PCDH7: variants seen among roughly 807,000 people sequenced by gnomAD.
PCDH7 encodes the protein protocadherin 7.
Under a neutral mutation model 58.9 loss-of-function variants are expected in PCDH7, and 17 were observed. The ratio of observed to expected loss-of-function variants is 0.29; its 90% CI spans 0.20 to 0.43. The LOEUF is 0.43. Among genes scored for constraint, PCDH7 ranks in the 20% least tolerant of loss-of-function variants. The pLI is 1.00. For synonymous variants in PCDH7, 664 were observed against 616.4 expected (o/e 1.08, Z -1.14); for missense variants, 1,274 against 1,441.0 (o/e 0.88, Z 1.88).
exon 1 of PCDH7, chr4:30,724,166 G>A: frequency 1.2e-6 from 2 of 1,613,880 alleles, no homozygotes; most frequent in Non-Finnish European, 1.7e-6. Flanking sequence ...TATGAAGCCG[G>A]CAAAAAAGAT....
chr4:31,142,551 G>A, exon 4 of PCDH7: 1 of 1,367,784 alleles, frequency 7.3e-7, no homozygotes, highest in Non-Finnish European at 9.8e-7. Flanking sequence ...TCAGACTCCT[G>A]CTGGATGCCG....
At chr4:30,864,699 A>G (rs1007445873) in intron 1 of PCDH7, among the ~76,000 whole-genome samples, 3 of 152,070 alleles carry the variant, frequency 2.0e-5, no homozygotes, top group Non-Finnish European at 2.9e-5. Context: ...TCAGCTGAGG[A>G]AACCTCTGAT....
At chr4:30,851,437 C>G (rs542557530) in intron 1 of PCDH7, among the ~76,000 whole-genome samples, 2 of 151,702 alleles carry the variant, frequency 1.3e-5, no homozygotes, top group Non-Finnish European at 2.9e-5. Flanking sequence ...ATTCTCTGGT[C>G]GAGTATATTC....
chr4:31,064,050 CA>C (rs1166751026), intron 3 of PCDH7, among the ~76,000 whole-genome samples: 1 of 151,700 alleles, frequency 6.6e-6, no homozygotes, highest in Non-Finnish European at 1.5e-5. Context: ...TACAGTATAT[CA>C]AAAATGAAAA....
intron 1 of PCDH7, among the ~76,000 whole-genome samples, chr4:30,796,539 T>C (rs1238555397): frequency 1.3e-5 from 2 of 152,218 alleles, no homozygotes; most frequent in African/African-American, 4.8e-5. Flanking sequence ...GATATTACAG[T>C]TTGTGGACAA....
rs540972170 is a variant in PCDH7, at chr4:30,936,280, A to T, written c.288-13840A>T. ...TACAGATGATGAAGGTGAGAAGAAG[A>T]TATGGAAAGTTGTAGTTAATACCTG... On this transcript the variant is annotated intron_variant, in intron 2 of 3. Transcript: ENST00000509759. 4.6e-5 allele frequency among the ~76,000 whole-genome samples: 7 copies of T among 152,108 alleles called. No individual in the cohort carries two copies. In the East Asian group the frequency reaches 1.4e-3, roughly 29 times the overall value.
At chr4:30,922,866 T>C (rs1330973559) in intron 2 of PCDH7, among the ~76,000 whole-genome samples, 1 of 152,150 alleles carries the variant, frequency 6.6e-6, no homozygotes, top group East Asian at 1.9e-4. Context: ...GACCTTTGAG[T>C]AACAAATTTG....
chr4:30,938,917 T>C (rs1745694780), intron 2 of PCDH7, among the ~76,000 whole-genome samples: 1 of 152,088 alleles, frequency 6.6e-6, no homozygotes, highest in South Asian at 2.1e-4. Flanking sequence ...CTTTTTCCCC[T>C]CCAGAGCAAA....
At chr4:31,074,923 G>A (rs540835740) in intron 3 of PCDH7, among the ~76,000 whole-genome samples, 1 of 151,088 alleles carries the variant, frequency 6.6e-6, no homozygotes, top group Non-Finnish European at 1.5e-5. Context: ...GGAAATGTTA[G>A]TGTCCTTTCT....
At chr4:30,874,736 CATT>C (rs1429480161) in intron 1 of PCDH7, among the ~76,000 whole-genome samples, 5 of 150,792 alleles carry the variant, frequency 3.3e-5, no homozygotes, top group Admixed American at 1.3e-4. Context: ...AAAAAGATAG[CATT>C]ATTATTCATT....
chr4:31,127,835 A>G (rs1237540308), intron 3 of PCDH7, among the ~76,000 whole-genome samples: 1 of 152,068 alleles, frequency 6.6e-6, no homozygotes, highest in Non-Finnish European at 1.5e-5. Context: ...ATATTATGCT[A>G]TAGCAAATGT....
intron 1 of PCDH7, among the ~76,000 whole-genome samples, chr4:30,860,561 A>G (rs975209409): frequency 6.6e-6 from 1 of 152,108 alleles, no homozygotes; most frequent in African/African-American, 2.4e-5. Context: ...CTATATGAAC[A>G]AGGACATACC....
intron 3 of PCDH7, among the ~76,000 whole-genome samples, chr4:31,112,798 T>C (rs1229862451): frequency 6.6e-6 from 1 of 152,214 alleles, no homozygotes; most frequent in Non-Finnish European, 1.5e-5. Context: ...ATAGTGTTCT[T>C]TCTAGGCAGG....
intron 3 of PCDH7, among the ~76,000 whole-genome samples, chr4:31,041,653 G>C (rs1011387691): frequency 1.3e-5 from 2 of 151,874 alleles, no homozygotes; most frequent in Non-Finnish European, 2.9e-5. Flanking sequence ...AGTTGGCATT[G>C]CTTTGCTAGT....
chr4:31,079,419 G>T lies in PCDH7; in HGVS notation c.*8-63054G>T, dbSNP rs1364659629. Among the ~76,000 whole-genome samples the T allele has an allele frequency of 1.4e-5, 2 of 141,810 alleles. 1 individual carries two copies. The highest frequency in any genetic ancestry group is 3.0e-5 in the Non-Finnish European group (2 of 65,644). The allele number at this position is 141,810 out of a possible 152,430, so 93.0% of individuals were successfully genotyped here. A position where few individuals can be genotyped will look rare whatever the true frequency, so the allele number is the denominator to read the frequency against. On this transcript the variant is annotated intron_variant, in intron 3 of 3. Coordinates refer to the PCDH7 transcript ENST00000509759. The stretch of plus-strand genomic sequence containing the variant: ...AGTGGATGTGAAAAGTTATCCAAGT[G>T]GCTGGTAAACACATGAAAAGTTGCT...
chr4:30,952,483 C>A (rs1337775841), intron 3 of PCDH7, among the ~76,000 whole-genome samples: 1 of 151,316 alleles, frequency 6.6e-6, no homozygotes, highest in Non-Finnish European at 1.5e-5. Flanking sequence ...AAAAAAAAAT[C>A]TTTGAGAAAA....
intron 1 of PCDH7, among the ~76,000 whole-genome samples, chr4:30,886,455 T>A (rs976740886): frequency 9.6e-5 from 14 of 146,322 alleles, no homozygotes; most frequent in African/African-American, 3.5e-4. Flanking sequence ...ATGGCAATCA[T>A]TAAAAAGTCA....
chr4:30,745,222 C>T (rs751490674), intron 1 of PCDH7, among the ~76,000 whole-genome samples: 1 of 149,224 alleles, frequency 6.7e-6, no homozygotes, highest in Admixed American at 6.8e-5. Context: ...TAAAAACAGT[C>T]ACGTAATCTC....
At chr4:31,018,026 A>G (rs1447374742) in intron 3 of PCDH7, among the ~76,000 whole-genome samples, 1 of 152,168 alleles carries the variant, frequency 6.6e-6, no homozygotes, top group Non-Finnish European at 1.5e-5. Flanking sequence ...TAATCCCCAG[A>G]TTTGTAACAT....
Sources: gnomAD v4.1 joint callset for allele counts (sites outside exome capture counted in the v4.1 genomes callset) on GRCh38, gnomAD v4.1.1 for gene constraint, MANE v1.5 for transcripts, NCBI Gene and HGNC (gene_info 2026-07-23, HGNC 2026-07-21) for gene names.